Variants in RNF121 observed in about 807,000 individuals in gnomAD.
RNF121 encodes E3 ubiquitin ligase RNF121.
In RNF121, 21 loss-of-function variants were observed where a neutral mutation model predicts 46.5. The observed-to-expected ratio is 0.45, with a 90% CI of 0.32 to 0.65. The LOEUF (loss-of-function observed/expected upper bound fraction) is 0.65. Among genes scored for constraint, RNF121 ranks in the 30% least tolerant of loss-of-function variants. The pLI is 0.04. For synonymous variants in RNF121, 139 were observed against 144.7 expected, an observed-to-expected ratio of 0.96 and a Z score of 0.28; for missense variants, 346 against 416.0, an observed-to-expected ratio of 0.83 and a Z score of 1.46.
intron 4 of RNF121, chr11:71,983,666 T>C (rs1239722926): frequency 6.6e-6 from 1 of 152,308 alleles, no homozygotes; most frequent in Non-Finnish European, 1.5e-5. Flanking sequence ...GGCCCTGTGC[T>C]GAGTGCTGGG....
intron 2 of RNF121, among the ~76,000 whole-genome samples, chr11:71,958,406 G>C (rs1954044699): frequency 6.6e-6 from 1 of 152,124 alleles, no homozygotes; most frequent in African/African-American, 2.4e-5. Flanking sequence ...TATGTCCTTT[G>C]TTGTTATGGA....
chr11:71,978,650 C>G (rs56304359), intron 3 of RNF121, among the ~76,000 whole-genome samples: 1 of 152,126 alleles, frequency 6.6e-6, no homozygotes, highest in African/African-American at 2.4e-5. Context: ...CATATTACTT[C>G]CATTTAAATA....
intron 1 of RNF121, chr11:71,939,336 G>A (rs1241942504): frequency 1.2e-5 from 2 of 163,538 alleles, no homozygotes; most frequent in Non-Finnish European, 2.7e-5. Flanking sequence ...TCCACAGTTG[G>A]AACAATGGAA....
intron 3 of RNF121, among the ~76,000 whole-genome samples, chr11:71,961,496 A>T (rs1237869934): frequency 6.6e-6 from 1 of 152,074 alleles, no homozygotes; most frequent in African/African-American, 2.4e-5. Context: ...CTGGGAGGTC[A>T]AGGCTGCAGT....
intron 1 of RNF121, among the ~76,000 whole-genome samples, chr11:71,937,166 C>A (rs2134147389): frequency 6.6e-6 from 1 of 152,348 alleles, no homozygotes; most frequent in South Asian, 2.1e-4. Context: ...AGATTTCCGT[C>A]AGCACTTACC....
chr11:71,948,787 A>C (rs1346107163), intron 1 of RNF121, among the ~76,000 whole-genome samples: 2 of 152,126 alleles, frequency 1.3e-5, no homozygotes, highest in Non-Finnish European at 2.9e-5. Context: ...AAAGCTGAGG[A>C]GTTGGGGAAG....
At chr11:71,994,982 G>A (rs1386992658) in intron 7 of RNF121, 130 bp downstream of exon 7, 26 of 1,234,966 alleles carry the variant, frequency 2.1e-5, no homozygotes, top group Non-Finnish European at 2.9e-5. Flanking sequence ...CCACAAGAGG[G>A]CCACCTTCCC....
intron 1 of RNF121, among the ~76,000 whole-genome samples, chr11:71,955,726 A>G (rs536458308): frequency 1.3e-5 from 2 of 152,300 alleles, no homozygotes; most frequent in Non-Finnish European, 2.9e-5. Flanking sequence ...GAAGAAGAAG[A>G]AGAGTTTTGG....
chr11:71,951,313 A>T (rs79270850), intron 1 of RNF121, among the ~76,000 whole-genome samples: 3,670 of 152,250 alleles, frequency 0.024, 67 homozygotes, highest in Non-Finnish European at 0.037. Context: ...ATTGACATAT[A>T]GCAAGTAAAG....
chr11:71,979,386 C>T (rs1184433495), intron 3 of RNF121, among the ~76,000 whole-genome samples: 2 of 152,204 alleles, frequency 1.3e-5, no homozygotes, highest in African/African-American at 4.8e-5. Context: ...AAATTCCCTT[C>T]TGTCTCCCCT....
chr11:71,968,387 G>A (rs1451363753), intron 3 of RNF121, among the ~76,000 whole-genome samples: 9 of 152,120 alleles, frequency 5.9e-5, no homozygotes, highest in Admixed American at 4.6e-4. Context: ...TGTTGGCTAA[G>A]TACTCTATTG....
chr11:71,952,948 G>A (rs1953918408), intron 1 of RNF121, among the ~76,000 whole-genome samples: 2 of 152,154 alleles, frequency 1.3e-5, no homozygotes, highest in Admixed American at 6.5e-5. Flanking sequence ...ACAATATTCT[G>A]TTATGAACAG....
rs1395027641 is a variant in RNF121, at chr11:71,995,569, CGTT to C, written c.863+23_863+25del. The stretch of plus-strand genomic sequence containing the variant: ...AGCAATCCGTATCCTTTATTGGGGT[CGTT>C]GTTGGGAGTGGGCTGTGGGAAGAAA... On this transcript the variant is annotated intron_variant, in intron 8 of 8. Coordinates refer to ENST00000361756, the MANE Select transcript of RNF121 (RefSeq NM_018320.5). The C allele has an allele frequency of 1.4e-5, 22 of 1,557,334 alleles. No homozygotes were observed. In the Admixed American group the frequency reaches 2.8e-4, roughly 20 times the overall value.
chr11:71,971,568 A>G (rs1314826113), intron 3 of RNF121, among the ~76,000 whole-genome samples: 1 of 152,144 alleles, frequency 6.6e-6, no homozygotes, highest in Non-Finnish European at 1.5e-5. Flanking sequence ...ATATTTATCC[A>G]GAGAAACTCC....
At chr11:71,972,941 C>G (rs893580406) in intron 3 of RNF121, among the ~76,000 whole-genome samples, 1 of 151,934 alleles carries the variant, frequency 6.6e-6, no homozygotes, top group African/African-American at 2.4e-5. Context: ...AATCCCAGCA[C>G]TTTGGGAGGC....
chr11:71,940,095 A>T (rs890381069), intron 1 of RNF121, among the ~76,000 whole-genome samples: 1 of 152,242 alleles, frequency 6.6e-6, no homozygotes, highest in South Asian at 2.1e-4. Context: ...AGGTAAAAGC[A>T]TATGTATAAA....
chr11:71,937,136 G>C (rs549009194), intron 1 of RNF121, among the ~76,000 whole-genome samples: 1 of 152,122 alleles, frequency 6.6e-6, no homozygotes, highest in African/African-American at 2.4e-5. Flanking sequence ...ACTGCTTTCT[G>C]CTCCCGTAGC....
At chr11:71,987,357 G>A (rs937710099) in intron 5 of RNF121, among the ~76,000 whole-genome samples, 1 of 152,140 alleles carries the variant, frequency 6.6e-6, no homozygotes, top group Non-Finnish European at 1.5e-5. Context: ...ATATTTTAGT[G>A]GAAAAGTCTA....
At position 71,960,813 on chromosome 11, in the gene RNF121, C is replaced by A. The variant is rs753054025; in HGVS notation, c.165C>A (p.Val55=). The A allele has an allele frequency of 1.2e-6, 2 of 1,614,164 alleles. No individual in the cohort carries two copies. The highest frequency in any genetic ancestry group is 2.2e-5 in the South Asian group (2 of 91,080). ...ATGAAGCTATGCATGCTGAAATGGTCCTCATCCTCATCGCAACCTTGGTGG... is the reference window on the plus strand; with the variant it reads ...ATGAAGCTATGCATGCTGAAATGGTACTCATCCTCATCGCAACCTTGGTGG... The part of the protein sequence containing the change: ...RGHEAMHAEM[V]LILIATLVVA... The change falls in exon 3 of 9, where the codon GTC becomes GTA. Residue 55 remains valine, a synonymous_variant. Coordinates refer to ENST00000361756, the MANE Select transcript of RNF121 (RefSeq NM_018320.5).
Sources: gnomAD v4.1 joint callset for allele counts (sites outside exome capture counted in the v4.1 genomes callset) on GRCh38, gnomAD v4.1.1 for gene constraint, MANE v1.5 for transcripts, NCBI Gene and HGNC (gene_info 2026-07-23, HGNC 2026-07-21) for gene names.